Variants in KLRG1 observed in about 807,000 individuals in gnomAD.
KLRG1 encodes killer cell lectin like receptor G1.
In KLRG1, 16 loss-of-function variants were observed where a neutral mutation model predicts 21.8. The observed-to-expected ratio is 0.73, with a 90% CI of 0.50 to 1.11. KLRG1 has a LOEUF of 1.11. Ranked by LOEUF, KLRG1 falls within the 50% of genes most tolerant of loss-of-function variation. The pLI, the probability that KLRG1 is intolerant of heterozygous loss-of-function variation, is 0.00. For missense variants in KLRG1, 173 were observed against 218.3 expected, an observed-to-expected ratio of 0.79 and a Z score of 1.31; for synonymous variants, 69 against 75.9, an observed-to-expected ratio of 0.91 and a Z score of 0.47.
chr12:9,039,731 C>T, the KLRG1 span, among the ~76,000 whole-genome samples: 1 of 152,204 alleles, frequency 6.6e-6, no homozygotes, highest in Non-Finnish European at 1.5e-5. Context: ...AAAGTCTCTT[C>T]TATTCAATCA....
At chr12:9,206,006 A>G in the KLRG1 span, among the ~76,000 whole-genome samples, 1,603 of 152,308 alleles carry the variant, frequency 0.011, 17 homozygotes, top group Non-Finnish European at 0.017. Context: ...TCCAAGTTTC[A>G]GATGATTTTA....
chr12:9,144,671 T>G, the KLRG1 span, among the ~76,000 whole-genome samples: 2 of 151,972 alleles, frequency 1.3e-5, no homozygotes, highest in East Asian at 3.9e-4. Flanking sequence ...GGTTTTAGGG[T>G]GAGAGAGCTT....
At chr12:9,152,849 T>C in the KLRG1 span, 1 of 1,614,126 alleles carries the variant, frequency 6.2e-7, no homozygotes, top group Non-Finnish European at 8.5e-7. Context: ...ATCTGAAAGC[T>C]GGTGTGGGCT....
At chr12:9,110,295 A>G in the KLRG1 span, 2 of 1,464,488 alleles carry the variant, frequency 1.4e-6, no homozygotes, top group Non-Finnish European at 1.9e-6. Context: ...TTTAATATGG[A>G]ATGTTTCATG....
the KLRG1 span, among the ~76,000 whole-genome samples, chr12:9,056,920 T>G: frequency 6.6e-6 from 1 of 152,244 alleles, no homozygotes; most frequent in African/African-American, 2.4e-5. Flanking sequence ...CCTACTATAA[T>G]TATTTGTATA....
chr12:9,134,440 T>G, the KLRG1 span, among the ~76,000 whole-genome samples: 1 of 152,148 alleles, frequency 6.6e-6, no homozygotes, highest in Non-Finnish European at 1.5e-5. Flanking sequence ...TAACATGAGA[T>G]CTCCCTTTTA....
At chr12:9,121,400 G>T in the KLRG1 span, among the ~76,000 whole-genome samples, 1 of 152,050 alleles carries the variant, frequency 6.6e-6, no homozygotes, top group African/African-American at 2.4e-5. The surrounding 1 kb of genome is among the most constrained non-coding windows in gnomAD (Gnocchi z 4.4). Context: ...AATTAGCTGG[G>T]TGTGGTGGCG....
At chr12:8,994,578 G>T (rs1406157087) in intron 2 of KLRG1, among the ~76,000 whole-genome samples, 1 of 152,164 alleles carries the variant, frequency 6.6e-6, no homozygotes, top group Non-Finnish European at 1.5e-5. Context: ...GTGAGGGACA[G>T]TTACATCTGT....
chr12:9,131,115 G>T, the KLRG1 span, among the ~76,000 whole-genome samples: 1 of 152,074 alleles, frequency 6.6e-6, no homozygotes, highest in Non-Finnish European at 1.5e-5. Flanking sequence ...TTATTTCTCG[G>T]CTCTTTATTC....
intron 1 of KLRG1, among the ~76,000 whole-genome samples, chr12:8,969,322 C>T (rs1946530139): frequency 6.6e-6 from 1 of 152,144 alleles, no homozygotes; most frequent in South Asian, 2.1e-4. Flanking sequence ...GGTACTCACA[C>T]CTCTTTCTGG....
intron 3 of KLRG1, among the ~76,000 whole-genome samples, chr12:9,007,974 CT>C (rs1947520152): frequency 6.6e-6 from 1 of 152,098 alleles, no homozygotes; most frequent in Non-Finnish European, 1.5e-5. Context: ...AGGCAATTCT[CT>C]TTGGATATAA....
At chr12:8,993,297 T>A (rs1020965666) in intron 2 of KLRG1, among the ~76,000 whole-genome samples, 27 of 152,076 alleles carry the variant, frequency 1.8e-4, no homozygotes, top group East Asian at 1.2e-3. Context: ...TAAATTTTTT[T>A]AAAAATTTTG....
chr12:9,157,657 C>T, the KLRG1 span: 17 of 972,736 alleles, frequency 1.7e-5, no homozygotes, highest in Non-Finnish European at 2.5e-5. Context: ...CTGAGAAATC[C>T]CTCATCATTG....
At chr12:9,060,761 T>C in the KLRG1 span, among the ~76,000 whole-genome samples, 1 of 152,246 alleles carries the variant, frequency 6.6e-6, no homozygotes, top group African/African-American at 2.4e-5. Context: ...CAAAGGATGC[T>C]AACCAGATTT....
the KLRG1 span, chr12:9,080,507 A>G: frequency 5.8e-6 from 1 of 171,860 alleles, no homozygotes; most frequent in African/African-American, 2.4e-5. Flanking sequence ...AAGATGATCT[A>G]TTTAGTTCCC....
In KLRG1 at chr12:9,009,820, C is replaced by T; in HGVS notation, c.*283C>T. The T allele has an allele frequency of 1.4e-6, 2 of 1,427,702 alleles. No individual in the cohort carries two copies. The highest frequency in any genetic ancestry group is 1.5e-5 in the South Asian group (1 of 65,320). 88.4% of individuals were successfully genotyped at this position (1,427,702 alleles called of 1,614,324 possible). On this transcript the variant is annotated 3_prime_UTR_variant, in exon 5 of 5. Transcript: ENST00000356986. ...TTCTCAGTATGGAAACTAATGCTGCCACTCTCATCCCCGTCCCAACCATCT... is the reference window on the plus strand; with the variant it reads ...TTCTCAGTATGGAAACTAATGCTGCTACTCTCATCCCCGTCCCAACCATCT...
the KLRG1 span, among the ~76,000 whole-genome samples, chr12:9,081,816 G>A: frequency 6.6e-6 from 1 of 152,192 alleles, no homozygotes; most frequent in African/African-American, 2.4e-5. Context: ...AAGTAATGAG[G>A]TCAGGTAGAA....
the KLRG1 span, among the ~76,000 whole-genome samples, chr12:9,045,274 G>A: frequency 6.6e-6 from 1 of 152,058 alleles, no homozygotes; most frequent in African/African-American, 2.4e-5. Flanking sequence ...AGCTGTCATC[G>A]GACCTGTGAG....
the KLRG1 span, chr12:9,180,930 A>G: frequency 2.0e-5 from 31 of 1,566,244 alleles, no homozygotes; most frequent in Non-Finnish European, 2.7e-5. Context: ...AGGCTTCTTG[A>G]TCTGAGCCTC....
Sources: gnomAD v4.1 joint callset for allele counts (sites outside exome capture counted in the v4.1 genomes callset) on GRCh38, gnomAD v4.1.1 for gene constraint, Gnocchi (gnomAD v3.1) non-coding constraint, MANE v1.5 for transcripts, NCBI Gene and HGNC (gene_info 2026-07-23, HGNC 2026-07-21) for gene names.